Variants in WNK1 observed in about 807,000 individuals in gnomAD.
WNK1 encodes serine/threonine-protein kinase WNK1.
Under a neutral mutation model 222.8 loss-of-function variants are expected in WNK1, and 38 were observed. That is an observed-to-expected ratio of 0.17 (90% CI 0.13 to 0.22). WNK1 has a LOEUF of 0.22. Among genes scored for constraint, WNK1 ranks in the 10% least tolerant of loss-of-function variants. WNK1 has a pLI of 1.00. For synonymous variants in WNK1, 1,090 were observed against 1,092.9 expected (o/e 1.00, Z 0.05); for missense variants, 2,348 against 2,918.4 (o/e 0.80, Z 4.50).
chr12:786,810 TATAA>T (rs1447581499), intron 1 of WNK1, among the ~76,000 whole-genome samples: 1 of 152,206 alleles, frequency 6.6e-6, no homozygotes, highest in Non-Finnish European at 1.5e-5. Flanking sequence ...ATGTGTTTCT[TATAA>T]ATAAACAGTG....
intron 1 of WNK1, among the ~76,000 whole-genome samples, chr12:807,082 T>A (rs1946426389): frequency 6.6e-6 from 1 of 151,732 alleles, no homozygotes; most frequent in South Asian, 2.1e-4. Flanking sequence ...ATAGAAAGGT[T>A]AAGATTGAGC....
At chr12:754,946 T>TG (rs1939771597) in intron 1 of WNK1, among the ~76,000 whole-genome samples, 2 of 152,360 alleles carry the variant, frequency 1.3e-5, no homozygotes, top group South Asian at 4.1e-4. Flanking sequence ...GCCCATTCAC[T>TG]ATACAGCGAA....
chr12:897,500 C>T lies in WNK1; in HGVS notation c.6267C>T (p.Asp2089=), dbSNP rs1185508045. The T allele has an allele frequency of 1.9e-6, 3 of 1,605,454 alleles. No homozygotes were observed. The highest frequency in any genetic ancestry group is 2.2e-5 in the South Asian group (2 of 90,938). ...LRDKHLKEIQ[D]LQSRQKHEIE... ...ACAGACATCTCAAAGAGATTCAGGA[C>T]CTGCAGAGTCGCCAGAAGCATGAAA... The change falls in exon 25 of 28, where the codon GAC becomes GAT. Residue 2089 remains aspartate, a synonymous_variant. Transcript: ENST00000315939.
intron 8 of WNK1, among the ~76,000 whole-genome samples, chr12:869,380 A>G (rs952746661): frequency 1.3e-5 from 2 of 152,228 alleles, no homozygotes; most frequent in East Asian, 1.9e-4. Context: ...CACGACTTCT[A>G]TGCACGTTAT....
chr12:796,478 T>C (rs1945322900), intron 1 of WNK1, among the ~76,000 whole-genome samples: 1 of 152,052 alleles, frequency 6.6e-6, no homozygotes, highest in Non-Finnish European at 1.5e-5. Flanking sequence ...AGAAAGAATA[T>C]AATCAGAATT....
Position 884,067 on chromosome 12 carries a change from A to G in WNK1, c.3722-54A>G. On this transcript the variant is annotated intron_variant, in intron 17 of 27. Transcript: ENST00000315939. This position sits in a 1 kb window ranked among gnomAD's most constrained non-coding sequence, Gnocchi z 5.6. ...TATGTGCCAATAATGAAGTCTAACA[A>G]TATTTATAATAATAATGCTATTAAG... 2 of 1,610,608 alleles carry G rather than the reference A, an allele frequency of 1.2e-6. No individual in the cohort carries two copies. The highest frequency in any genetic ancestry group is 8.5e-7 in the Non-Finnish European group (1 of 1,177,762).
rs1591781931 is a variant in WNK1, at chr12:805,052, C to T, written c.760-8590C>T. The stretch of plus-strand genomic sequence containing the variant: ...TTGATGGACACTTGGGTCATTGTAC[C>T]CTTTGACTATTGTAAAAAATGCTGC... On this transcript the variant is annotated intron_variant, in intron 1 of 27. Transcript: ENST00000315939. 1.3e-5 allele frequency among the ~76,000 whole-genome samples: 2 copies of T among 150,374 alleles called. 1 individual carries two copies.
intron 9 of WNK1, among the ~76,000 whole-genome samples, chr12:871,612 CT>C (rs1006623471): frequency 6.6e-6 from 1 of 151,592 alleles, no homozygotes; most frequent in Non-Finnish European, 1.5e-5. Flanking sequence ...GATTCTACAC[CT>C]TTTTTTTGAG....
intron 4 of WNK1, among the ~76,000 whole-genome samples, chr12:833,673 G>T (rs1591921432): frequency 6.6e-6 from 1 of 152,064 alleles, no homozygotes; most frequent in East Asian, 1.9e-4. Flanking sequence ...TTTATTAGTG[G>T]TTATTCTACT....
At position 861,449 on chromosome 12, in the gene WNK1, A is replaced by G. The variant is rs959530388; in HGVS notation, c.1951+106A>G. The G allele has an allele frequency of 5.9e-6, 6 of 1,009,924 alleles. No individual in the cohort carries two copies. The Admixed American group carries it at 1.3e-4, about 21-fold the overall frequency. 62.6% of individuals were successfully genotyped at this position (1,009,924 alleles called of 1,614,324 possible). On this transcript the variant is annotated intron_variant, in intron 7 of 27. Transcript: ENST00000315939. The stretch of plus-strand genomic sequence containing the variant: ...TTTTTGGTTTTGAATTATGAATCCT[A>G]CTATTATACAAAATTTGAAATGGTT...
intron 3 of WNK1, 129 bp from the exon 4 acceptor site, chr12:829,874 C>A (rs1044361407): frequency 1.1e-6 from 1 of 932,304 alleles, no homozygotes; most frequent in Non-Finnish European, 1.7e-6. Flanking sequence ...CCTCTTTTCT[C>A]CCCCTTTCCT....
At chr12:761,440 T>C (rs1371241701) in intron 1 of WNK1, among the ~76,000 whole-genome samples, 1 of 148,042 alleles carries the variant, frequency 6.8e-6, no homozygotes, top group Non-Finnish European at 1.5e-5. Flanking sequence ...TTTGGAAATT[T>C]GCTTGTTGTA....
Position 858,334 on chromosome 12 carries a change from C to T in WNK1, c.1401-911C>T, listed in dbSNP as rs1342863329. Among the ~76,000 whole-genome samples, 8 of 152,084 alleles carry T rather than the reference C, an allele frequency of 5.3e-5. No individual in the cohort carries two copies. The East Asian group carries it at 5.8e-4, about 11-fold the overall frequency. On this transcript the variant is annotated intron_variant, in intron 5 of 27. Coordinates refer to ENST00000315939, the MANE Select transcript of WNK1 (RefSeq NM_018979.4). ...CCTCCTGAGTAGCTGGGACTACAGA[C>T]GCACATCACCGCACCTGGCTAATTT...
At chr12:781,406 A>G (rs913919281) in intron 1 of WNK1, 5 of 151,458 alleles carry the variant, frequency 3.3e-5, no homozygotes, top group Non-Finnish European at 7.3e-5. Flanking sequence ...TTGCCACAAA[A>G]TGAAAATATA....
chr12:824,763 A>C (rs1948218429), intron 2 of WNK1, among the ~76,000 whole-genome samples: 1 of 152,148 alleles, frequency 6.6e-6, no homozygotes, highest in African/African-American at 2.4e-5. Flanking sequence ...ACGACAAATA[A>C]AATTTCCAAT....
intron 2 of WNK1, among the ~76,000 whole-genome samples, chr12:824,885 A>T (rs1435928497): frequency 6.6e-6 from 1 of 152,232 alleles, no homozygotes; most frequent in Non-Finnish European, 1.5e-5. Flanking sequence ...CACTTGCCTT[A>T]CCATATTATT....
chr12:757,322 TTTTTTTTTTTTAA>T (rs1442626253), intron 1 of WNK1, among the ~76,000 whole-genome samples: 5 of 99,894 alleles, frequency 5.0e-5, no homozygotes, highest in Admixed American at 1.1e-4. Context: ...TTTTTTTTTT[TTTTTTTTTTTTAA>T]AAAAAAAAAG....
intron 2 of WNK1, among the ~76,000 whole-genome samples, chr12:814,962 G>A (rs1199396433): frequency 1.3e-5 from 2 of 152,130 alleles, no homozygotes; most frequent in African/African-American, 2.4e-5. Flanking sequence ...TTCTCATAAC[G>A]AACGCTCAAC....
intron 1 of WNK1, among the ~76,000 whole-genome samples, chr12:786,951 A>C (rs1944368780): frequency 6.6e-6 from 1 of 151,784 alleles, no homozygotes. Context: ...TTTAATTGGT[A>C]TGTTTGGAGT....
Sources: gnomAD v4.1 joint callset for allele counts (sites outside exome capture counted in the v4.1 genomes callset) on GRCh38, gnomAD v4.1.1 for gene constraint, Gnocchi (gnomAD v3.1) non-coding constraint, MANE v1.5 for transcripts, NCBI Gene and HGNC (gene_info 2026-07-23, HGNC 2026-07-21) for gene names.